DMRT2: variants seen among roughly 807,000 people sequenced by gnomAD.
The protein encoded by DMRT2 is doublesex- and mab-3-related transcription factor 2.
DMRT2 carries 33 observed loss-of-function variants against 43.5 expected under a neutral mutation model. The ratio of observed to expected loss-of-function variants is 0.76; its 90% CI spans 0.58 to 1.01. The LOEUF is 1.01. Among genes scored for constraint, DMRT2 ranks in the 50% least tolerant of loss-of-function variants. The probability of loss-of-function intolerance (pLI) is 0.00; values close to 1 mark genes in which losing one functional copy is unlikely to be tolerated. For missense variants in DMRT2, 1,064 were observed against 748.0 expected (o/e 1.42, Z -4.93); for synonymous variants, 395 against 309.2 (o/e 1.28, Z -2.91).
chr9:1,053,510 T>C (rs906772), intron 2 of DMRT2, among the ~76,000 whole-genome samples: 51,197 of 151,876 alleles, frequency 0.34, 10,282 homozygotes, highest in African/African-American at 0.57. Context: ...AAGCAGGGGA[T>C]CCAGCTCACC....
intron 3 of DMRT2, chr9:1,055,765 C>T: frequency 6.7e-7 from 1 of 1,501,590 alleles, no homozygotes; most frequent in East Asian, 2.4e-5. Context: ...ACATAATGAA[C>T]CATCTTTAGA....
intron 3 of DMRT2, among the ~76,000 whole-genome samples, chr9:1,054,031 G>A (rs375126408): frequency 1.6e-4 from 24 of 152,250 alleles, no homozygotes; most frequent in African/African-American, 5.5e-4. Flanking sequence ...GAACCAGAAA[G>A]TTTTCTTCTA....
Position 1,056,216 on chromosome 9 carries a change from G to A in DMRT2, c.629G>A (p.Gly210Asp). The change falls in exon 4 of 4, where the codon GGC becomes GAC. Residue 210 changes from glycine to aspartate, a missense_variant and splice_region_variant. Coordinates refer to ENST00000358146, the MANE Select transcript of DMRT2 (RefSeq NM_181872.6). ...CATGTGCAATCTTTGCTTCTTGTAGGCTATCGCCCCATTCCAGCGGAGACT... is the reference window on the plus strand; with the variant it reads ...CATGTGCAATCTTTGCTTCTTGTAGACTATCGCCCCATTCCAGCGGAGACT... Reference protein sequence around the residue: ...PSLLAKSILEGYRPIPAETYV... With the variant: ...PSLLAKSILEDYRPIPAETYV... 6.3e-7 allele frequency: 1 copy of A among 1,597,552 alleles called. No homozygotes were observed. The highest frequency in any genetic ancestry group is 8.5e-7 in the Non-Finnish European group (1 of 1,174,590).
At chr9:1,053,183 G>A (rs909260125) in intron 2 of DMRT2, 2 of 152,678 alleles carry the variant, frequency 1.3e-5, no homozygotes, top group African/African-American at 4.8e-5. Context: ...GAGGGTGGGT[G>A]TCCGCAAAGC....
rs1821511881 is a variant in DMRT2 at position 1,050,790 on chromosome 9, G to A, written c.-45+15G>A. 6.6e-6 allele frequency: 1 copy of A among 152,354 alleles called. No homozygotes were observed. Among genetic ancestry groups the A allele is most frequent in the African/African-American group, 2.4e-5 (1 of 41,444 alleles). The allele number at this position is 152,354 out of a possible 1,614,324, so 9.4% of individuals were successfully genotyped here. Reference sequence around the variant, plus strand: ...TCAAAGTTTTGGTGAGTGCTGTGATGCCGCTCGGGGTGTCAGGGAGGGCAA... The same window carrying A: ...TCAAAGTTTTGGTGAGTGCTGTGATACCGCTCGGGGTGTCAGGGAGGGCAA... On this transcript the variant is annotated intron_variant, in intron 1 of 3. Coordinates refer to ENST00000358146, the MANE Select transcript of DMRT2 (RefSeq NM_181872.6).
chr9:1,053,592 A>G, intron 2 of DMRT2, 130 bp from the exon 3 acceptor site: 1 of 832,018 alleles, frequency 1.2e-6, no homozygotes, highest in East Asian at 2.5e-5. Flanking sequence ...TATTTTTCAC[A>G]CGGAATGGGA....
At position 1,057,494 on chromosome 9, in the gene DMRT2, A is replaced by G. The variant is rs988234484; in HGVS notation, c.*221A>G. The stretch of plus-strand genomic sequence containing the variant: ...CCCAATGTGCAAATTGTTAAGTACC[A>G]CACTTTACACAGCATTTCAAAAAGC... On this transcript the variant is annotated 3_prime_UTR_variant, in exon 4 of 4. Coordinates refer to ENST00000358146, the MANE Select transcript of DMRT2 (RefSeq NM_181872.6). The G allele has an allele frequency of 5.3e-5, 27 of 505,208 alleles. No individual in the cohort carries two copies. The highest frequency in any genetic ancestry group is 4.5e-4 in the East Asian group (14 of 31,066). 31.3% of individuals were successfully genotyped at this position (505,208 alleles called of 1,614,324 possible). A position where few individuals can be genotyped will look rare whatever the true frequency, so the allele number is the denominator to read the frequency against.
intron 3 of DMRT2, chr9:1,055,891 C>A: frequency 1.4e-6 from 2 of 1,479,394 alleles, no homozygotes; most frequent in South Asian, 1.5e-5. Flanking sequence ...TCTCTTAATG[C>A]GTAGGGGGCC....
chr9:1,051,816 C>T lies in DMRT2; in HGVS notation c.203C>T (p.Ala68Val). The change falls in exon 2 of 4, where the codon GCA becomes GTA. Residue 68 changes from alanine (A) to valine (V), a missense_variant. Physicochemically the swap from Ala to Val is moderately conservative, Grantham distance 64. Transcript: ENST00000358146. The surrounding 1 kb of genome is among the most constrained non-coding windows in gnomAD (Gnocchi z 5.9). ...DAEEEGDGEE[A>V]GASPGMPGQP... is the part of the protein sequence containing the mutation. ...GAAGAAGAGGGCGACGGCGAGGAGGCAGGCGCGTCCCCCGGGATGCCCGGC... is the reference window on the plus strand; with the variant it reads ...GAAGAAGAGGGCGACGGCGAGGAGGTAGGCGCGTCCCCCGGGATGCCCGGC... 6.8e-7 allele frequency: 1 copy of T among 1,468,486 alleles called. No homozygotes were observed. The highest frequency in any genetic ancestry group is 9.0e-7 in the Non-Finnish European group (1 of 1,115,864). 91.0% of individuals were successfully genotyped at this position (1,468,486 alleles called of 1,614,324 possible).
rs1234008473 is a variant in DMRT2, at chr9:1,056,630, G to A, written c.1043G>A (p.Gly348Asp). 1 of 1,614,006 alleles carries A rather than the reference G, an allele frequency of 6.2e-7. No individual in the cohort carries two copies. The highest frequency in any genetic ancestry group is 2.2e-5 in the East Asian group (1 of 44,886). Residue 348 changes from glycine (G) to aspartate (D), a missense_variant, in exon 4 of 4, where the codon GGC (glycine) becomes GAC (aspartate). By Grantham distance (94) the Gly-to-Asp change is moderately conservative (BLOSUM62 -1). Coordinates refer to ENST00000358146, the MANE Select transcript of DMRT2 (RefSeq NM_181872.6). ...SSRFLVWPKCGPISDTLLYQQ... is the reference protein window; with the variant it reads ...SSRFLVWPKCDPISDTLLYQQ... ...AGATTTTTAGTTTGGCCCAAGTGTG[G>A]CCCCATTAGCGACACCCTCCTCTAC...
In DMRT2 at chr9:1,056,052, T is replaced by C. The variant is rs115628248; in HGVS notation, c.629-164T>C. The C allele has an allele frequency of 2.5e-3, 3,527 of 1,435,342 alleles. 77 individuals carry two copies. The African/African-American group carries it at 0.044, about 18-fold the overall frequency. The allele number at this position is 1,435,342 out of a possible 1,614,324, so 88.9% of individuals were successfully genotyped here. ...TATCTTTCACCCTCCCAGGAAACTCTTTCAAACCTAATCTGTACTTTTGCA... is the reference window on the plus strand; with the variant it reads ...TATCTTTCACCCTCCCAGGAAACTCCTTCAAACCTAATCTGTACTTTTGCA... On this transcript the variant is annotated intron_variant, in intron 3 of 3. Coordinates refer to ENST00000358146, the MANE Select transcript of DMRT2 (RefSeq NM_181872.6).
At chr9:1,056,034 C>G (rs912718250) in intron 3 of DMRT2, 182 bp from the exon 4 acceptor site, 3 of 1,423,980 alleles carry the variant, frequency 2.1e-6, no homozygotes, top group Non-Finnish European at 2.7e-6. Flanking sequence ...GGATATCTTT[C>G]ACCCTCCCAG....
At position 1,051,941 on chromosome 9, in the gene DMRT2, G is replaced by A; in HGVS notation, c.328G>A (p.Gly110Ser). The change falls in exon 2 of 4, where the codon GGC becomes AGC. Residue 110 changes from glycine (G) to serine (S), a missense_variant. Physicochemically the swap from Gly to Ser is moderately conservative, Grantham distance 56. Coordinates refer to ENST00000358146, the MANE Select transcript of DMRT2 (RefSeq NM_181872.6). This position sits in a 1 kb window ranked among gnomAD's most constrained non-coding sequence, Gnocchi z 5.9. Reference sequence around the variant, plus strand: ...CCGAGAGCGCTGCACTCCCGCGGGCGGCGGCGCGGAGCCGCGCAAGCTGAG... The same window carrying A: ...CCGAGAGCGCTGCACTCCCGCGGGCAGCGGCGCGGAGCCGCGCAAGCTGAG... Reference protein sequence around the residue: ...GPRERCTPAGGGAEPRKLSRT... With the variant: ...GPRERCTPAGSGAEPRKLSRT... 2 of 1,364,278 alleles carry A rather than the reference G, an allele frequency of 1.5e-6. No individual in the cohort carries two copies. Among genetic ancestry groups the A allele is most frequent in the Non-Finnish European group, 1.9e-6 (2 of 1,067,420 alleles). 84.5% of individuals were successfully genotyped at this position (1,364,278 alleles called of 1,614,324 possible).
chr9:1,052,426 A>G (rs746947908), intron 2 of DMRT2, among the ~76,000 whole-genome samples: 11 of 151,676 alleles, frequency 7.3e-5, no homozygotes, highest in Non-Finnish European at 1.5e-4. Flanking sequence ...CAATGTTTTT[A>G]TTTTTTTGCA....
chr9:1,052,217 A>C, intron 2 of DMRT2, 79 bp downstream of exon 2: 1 of 1,162,382 alleles, frequency 8.6e-7, no homozygotes, highest in Non-Finnish European at 1.1e-6. Flanking sequence ...GGCCGTCCAC[A>C]CCCCCCGCGC....
At position 1,056,538 on chromosome 9, in the gene DMRT2, G is replaced by T; in HGVS notation, c.951G>T (p.Gly317=). ...LDLTMQYSGS[G]NMELISSNVS... The stretch of plus-strand genomic sequence containing the variant: ...TAACCATGCAGTATTCAGGGTCTGG[G>T]AATATGGAACTAATTTCTTCTAATG... The change falls in exon 4 of 4, where the codon GGG becomes GGT. Residue 317 remains glycine (G), a synonymous_variant. Coordinates refer to ENST00000358146, the MANE Select transcript of DMRT2 (RefSeq NM_181872.6). 1 of 1,614,190 alleles carries T rather than the reference G, an allele frequency of 6.2e-7. No individual in the cohort carries two copies. The highest frequency in any genetic ancestry group is 8.5e-7 in the Non-Finnish European group (1 of 1,180,042).
At chr9:1,053,854 T>C in intron 3 of DMRT2, 30 bp downstream of exon 3, 1 of 1,569,558 alleles carries the variant, frequency 6.4e-7, no homozygotes, top group Non-Finnish European at 8.8e-7. Flanking sequence ...CTTCAGCCTT[T>C]TAAACAGAGT....
chr9:1,057,130 A>C lies in DMRT2; in HGVS notation c.1543A>C (p.Thr515Pro). 6.2e-7 allele frequency: 1 copy of C among 1,614,178 alleles called. No individual in the cohort carries two copies. Among genetic ancestry groups the C allele is most frequent in the Non-Finnish European group, 8.5e-7 (1 of 1,180,042 alleles). The change falls in exon 4 of 4, where the codon ACA becomes CCA. Residue 515 changes from threonine to proline, a missense_variant. By Grantham distance (38) the Thr-to-Pro change is conservative. Coordinates refer to ENST00000358146, the MANE Select transcript of DMRT2 (RefSeq NM_181872.6). Reference protein sequence around the residue: ...ECLVKDNQKYTFTIDRCAKDL... With the variant: ...ECLVKDNQKYPFTIDRCAKDL... The stretch of plus-strand genomic sequence containing the variant: ...TTTAGTTAAGGACAACCAGAAGTAC[A>C]CATTTACAATAGATAGATGTGCAAA...
At position 1,056,558 on chromosome 9, in the gene DMRT2, C is replaced by T; in HGVS notation, c.971C>T (p.Ser324Phe). 6.2e-7 allele frequency: 1 copy of T among 1,614,212 alleles called. No individual in the cohort carries two copies. Among genetic ancestry groups the T allele is most frequent in the Non-Finnish European group, 8.5e-7 (1 of 1,180,034 alleles). The change falls in exon 4 of 4, where the codon TCT becomes TTT. Residue 324 changes from serine to phenylalanine, a missense_variant. Ser to Phe is a radical substitution (Grantham distance 155). Coordinates refer to ENST00000358146, the MANE Select transcript of DMRT2 (RefSeq NM_181872.6). ...TCTGGGAATATGGAACTAATTTCTT[C>T]TAATGTCAGCGTGGCCACAACTTAT... ...SGSGNMELIS[S>F]NVSVATTYRQ... is the part of the protein sequence containing the mutation.
Sources: allele counts gnomAD v4.1 joint callset (sites outside exome capture counted in the v4.1 genomes callset), GRCh38; gene constraint gnomAD v4.1.1; non-coding constraint Gnocchi (gnomAD v3.1); transcripts MANE v1.5; gene names NCBI Gene and HGNC (gene_info 2026-07-23, HGNC 2026-07-21).